Variants in MAP9 observed in about 807,000 individuals in gnomAD.
MAP9 encodes microtubule-associated protein 9.
Under a neutral mutation model 75.2 loss-of-function variants are expected in MAP9, and 80 were observed. The ratio of observed to expected loss-of-function variants is 1.06; its 90% CI spans 0.89 to 1.28. The LOEUF (loss-of-function observed/expected upper bound fraction) is 1.28, where lower values mean the gene tolerates loss of function less well. Among genes scored for constraint, MAP9 ranks in the 50% most tolerant of loss-of-function variants. MAP9 has a pLI of 0.00. For missense variants in MAP9, 753 were observed against 719.9 expected (o/e 1.05, Z -0.53); for synonymous variants, 235 against 237.3 (o/e 0.99, Z 0.09).
intron 5 of MAP9, chr4:155,368,117 T>C (rs370630448): frequency 4.0e-5 from 7 of 176,602 alleles, no homozygotes; most frequent in African/African-American, 1.2e-4. Flanking sequence ...CACAGAAGAG[T>C]GCCATGAACA....
Position 155,367,977 on chromosome 4 carries a change from A to G in MAP9, c.708+609T>C, listed in dbSNP as rs146832362. 2.2e-3 allele frequency among the ~76,000 whole-genome samples: 329 copies of G among 152,356 alleles called. 1 individual carries two copies. The highest frequency in any genetic ancestry group is 3.9e-3 in the Admixed American group (59 of 15,306). On this transcript the variant is annotated intron_variant, in intron 5 of 13. Transcript: ENST00000311277. ...TTCCCTTCTGAAATGTTCAGAAGGGACAGTTTGCTTCTCATAGTGAAATAC... is the reference window on the plus strand; with the variant it reads ...TTCCCTTCTGAAATGTTCAGAAGGGGCAGTTTGCTTCTCATAGTGAAATAC...
At chr4:155,373,953 T>C (rs1471962386) in intron 3 of MAP9, among the ~76,000 whole-genome samples, 2 of 152,200 alleles carry the variant, frequency 1.3e-5, no homozygotes, top group African/African-American at 2.4e-5. Context: ...CTAAGAATCA[T>C]AAGAAATGCT....
At chr4:155,351,639 A>T (rs1264676878) in intron 13 of MAP9, among the ~76,000 whole-genome samples, 2 of 151,928 alleles carry the variant, frequency 1.3e-5, no homozygotes, top group Non-Finnish European at 2.9e-5. Flanking sequence ...AAAAACCAAC[A>T]ATCTAATAGA....
At position 155,368,627 on chromosome 4, in the gene MAP9, C is replaced by CTAAT. The variant is rs1404007630; in HGVS notation, c.663_666dup (p.Glu223IlefsTer4). On this transcript the variant is annotated frameshift_variant, in exon 5 of 14. Coordinates refer to ENST00000311277, the MANE Select transcript of MAP9 (RefSeq NM_001039580.2). LOFTEE classifies it high-confidence loss of function. Reference sequence around the variant, plus strand: ...TCAGAGAATGCTTTTTTCTCAGCTTCTAATTGTATGCCATTCGGCGTTGGA... The same window carrying CTAAT: ...TCAGAGAATGCTTTTTTCTCAGCTTCTAATTAATTGTATGCCATTCGGCGTTGGA... The CTAAT allele has an allele frequency of 2.5e-6, 4 of 1,614,026 alleles. No homozygotes were observed. The highest frequency in any genetic ancestry group is 1.7e-6 in the Non-Finnish European group (2 of 1,180,024).
At position 155,360,356 on chromosome 4, in the gene MAP9, T is replaced by C; in HGVS notation, c.862A>G (p.Asn288Asp). The C allele has an allele frequency of 6.2e-7, 1 of 1,611,872 alleles. No homozygotes were observed. The highest frequency in any genetic ancestry group is 2.2e-5 in the East Asian group (1 of 44,790). Residue 288 changes from asparagine to aspartate, a missense_variant, in exon 7 of 14, where the codon AAT (asparagine) becomes GAT (aspartate). Transcript: ENST00000311277. ...NSLKSDENKE[N>D]SFSADHVTTA... is the part of the protein sequence containing the mutation. ...GTCACATGGTCTGCTGAAAATGAAT[T>C]CTCTTTATTTTCATCTGATTTCAAG...
chr4:155,355,660 T>C (rs1228253884), intron 9 of MAP9, 56 bp downstream of exon 9: 4 of 1,351,620 alleles, frequency 3.0e-6, no homozygotes, highest in Non-Finnish European at 1.0e-6. Context: ...TTATAAACAG[T>C]GTAGGCTTAT....
rs1191218792 is a variant in MAP9 at position 155,347,879 on chromosome 4, A to G, written c.1848T>C (p.Ile616=). The change falls in exon 14 of 14, where the codon ATT becomes ATC. Residue 616 remains isoleucine (I), a synonymous_variant. Coordinates refer to ENST00000311277, the MANE Select transcript of MAP9 (RefSeq NM_001039580.2). ...AATGACGTTTCTTCTGTTTTCGTTC[A>G]ATTCTTTCTTGTTTTTCCTTATTTT... ...WLENKEKQER[I]ERKQKKRHSF... is the part of the protein sequence containing the mutation. 3.2e-6 allele frequency: 5 copies of G among 1,563,394 alleles called. No homozygotes were observed. The highest frequency in any genetic ancestry group is 4.4e-6 in the Non-Finnish European group (5 of 1,141,546).
intron 8 of MAP9, among the ~76,000 whole-genome samples, chr4:155,356,491 TATGGACCAC>T: frequency 6.6e-6 from 1 of 152,126 alleles, no homozygotes. Flanking sequence ...ACTTAAGAAA[TATGGACCAC>T]TTCTCAAGTT....
At position 155,374,929 on chromosome 4, in the gene MAP9, T is replaced by A. The variant is rs755581870; in HGVS notation, c.160+8A>T. On this transcript the variant is annotated splice_region_variant and intron_variant, in intron 3 of 13. Coordinates refer to ENST00000311277, the MANE Select transcript of MAP9 (RefSeq NM_001039580.2). ...AAAAGTGGTTCACGTTTCCATACTG[T>A]CACATACCAATCTCATCACTGTCAA... The A allele has an allele frequency of 1.3e-6, 2 of 1,560,100 alleles. No homozygotes were observed. Among genetic ancestry groups the A allele is most frequent in the Non-Finnish European group, 8.8e-7 (1 of 1,140,990 alleles).
chr4:155,375,710 C>T (rs1732808196), intron 2 of MAP9, 66 bp downstream of exon 2: 2 of 1,014,974 alleles, frequency 2.0e-6, no homozygotes, highest in Middle Eastern at 2.1e-4. Flanking sequence ...GTTCTAGAAT[C>T]ACCAATTTCA....
intron 5 of MAP9, chr4:155,363,355 G>A (rs1732176355): frequency 2.6e-5 from 4 of 151,722 alleles, no homozygotes; most frequent in South Asian, 2.1e-4. Flanking sequence ...CAGAACACCC[G>A]GTATTCAATC....
At chr4:155,366,498 A>C (rs1330785426) in intron 5 of MAP9, among the ~76,000 whole-genome samples, 1 of 152,224 alleles carries the variant, frequency 6.6e-6, no homozygotes, top group African/African-American at 2.4e-5. Flanking sequence ...TAATGGCCAA[A>C]ACTGCAATTA....
intron 13 of MAP9, among the ~76,000 whole-genome samples, chr4:155,351,644 A>G (rs984825706): frequency 6.6e-6 from 1 of 151,920 alleles, no homozygotes; most frequent in African/African-American, 2.4e-5. Context: ...CCAACAATCT[A>G]ATAGAAAAGT....
intron 4 of MAP9, among the ~76,000 whole-genome samples, chr4:155,370,338 C>A (rs896774170): frequency 3.3e-5 from 5 of 152,192 alleles, no homozygotes; most frequent in African/African-American, 1.2e-4. Context: ...AATGGCTCCC[C>A]ATGATCCAAT....
intron 8 of MAP9, among the ~76,000 whole-genome samples, chr4:155,356,395 T>G (rs1731790002): frequency 1.3e-5 from 2 of 152,284 alleles, no homozygotes; most frequent in South Asian, 4.1e-4. Flanking sequence ...AACTTAAATA[T>G]GTCCCCTTCA....
Position 155,352,896 on chromosome 4 carries a change from T to C in MAP9, c.1688+16A>G. On this transcript the variant is annotated intron_variant, in intron 12 of 13. Coordinates refer to ENST00000311277, the MANE Select transcript of MAP9 (RefSeq NM_001039580.2). Reference sequence around the variant, plus strand: ...ATAATTTAAAATATATCAAAATATTTATGATTTTGGATTACCATTTCTCAA... The same window carrying C: ...ATAATTTAAAATATATCAAAATATTCATGATTTTGGATTACCATTTCTCAA... The C allele has an allele frequency of 6.7e-7, 1 of 1,489,872 alleles. No individual in the cohort carries two copies. The highest frequency in any genetic ancestry group is 9.0e-7 in the Non-Finnish European group (1 of 1,108,208). 92.3% of individuals were successfully genotyped at this position (1,489,872 alleles called of 1,614,324 possible).
chr4:155,371,940 T>A (rs1352056164), intron 4 of MAP9, among the ~76,000 whole-genome samples: 1 of 152,222 alleles, frequency 6.6e-6, no homozygotes, highest in Non-Finnish European at 1.5e-5. Flanking sequence ...TGTTTCATTA[T>A]GCATCTGTTT....
intron 13 of MAP9, 65 bp downstream of exon 13, chr4:155,352,531 T>C: frequency 6.7e-7 from 1 of 1,499,928 alleles, no homozygotes; most frequent in Non-Finnish European, 9.0e-7. Context: ...GAATTAGAAT[T>C]AGGGACAGAA....
At chr4:155,375,584 A>T (rs1732803131) in intron 2 of MAP9, among the ~76,000 whole-genome samples, 192 bp downstream of exon 2, 3 of 152,182 alleles carry the variant, frequency 2.0e-5, no homozygotes, top group Admixed American at 2.0e-4. Context: ...TATTGAGGCT[A>T]CTTTGGTAGT....
Sources: gnomAD v4.1 joint callset for allele counts (sites outside exome capture counted in the v4.1 genomes callset) on GRCh38, gnomAD v4.1.1 for gene constraint, MANE v1.5 for transcripts, NCBI Gene and HGNC (gene_info 2026-07-23, HGNC 2026-07-21) for gene names.